Variants in EPAS1 observed in about 807,000 individuals in gnomAD.
EPAS1 encodes endothelial PAS domain protein 1.
A neutral mutation model predicts 87.9 loss-of-function variants in EPAS1; 23 were observed. The ratio of observed to expected loss-of-function variants is 0.26; its 90% confidence interval spans 0.19 to 0.37. The LOEUF is 0.37. EPAS1 is among the 10% of genes least tolerant of loss of function. The probability of loss-of-function intolerance (pLI) is 1.00; values close to 1 mark genes in which losing one functional copy is unlikely to be tolerated. For synonymous variants in EPAS1, 508 were observed against 444.3 expected (o/e 1.14, Z -1.80); for missense variants, 1,138 against 1,120.7 (o/e 1.02, Z -0.22).
chr2:46,316,675 T>G (rs1231012886), intron 1 of EPAS1, among the ~76,000 whole-genome samples: 1 of 152,192 alleles, frequency 6.6e-6, no homozygotes, highest in African/African-American at 2.4e-5. Context: ...TGCCTCCATA[T>G]CGGTGGCTGC....
chr2:46,378,903 A>ACCTCTTTAGGGG, intron 11 of EPAS1, 136 bp downstream of exon 11: 1 of 811,060 alleles, frequency 1.2e-6, no homozygotes, highest in Non-Finnish European at 2.1e-6. Flanking sequence ...CAGGTCCCCT[A>ACCTCTTTAGGGG]AAGAGGTAGG....
rs1460636405 is a variant in EPAS1, at chr2:46,379,908, CTG to C, written c.1555-316_1555-315del. On this transcript the variant is annotated intron_variant, in intron 11 of 15. Coordinates refer to ENST00000263734, the MANE Select transcript of EPAS1 (RefSeq NM_001430.5). ...CAGGCTGGAGTAGGCAGGGCTGACT[CTG>C]TGGAAGAGGGGCTGCCTCGGCTTCA... 1.5e-5 allele frequency: 7 copies of C among 454,886 alleles called. No individual in the cohort carries two copies. In the East Asian group the frequency reaches 2.7e-4, roughly 18 times the overall value. 28.2% of individuals were successfully genotyped at this position (454,886 alleles called of 1,614,324 possible).
At chr2:46,309,962 GA>G (rs1438479606) in intron 1 of EPAS1, among the ~76,000 whole-genome samples, 1 of 152,198 alleles carries the variant, frequency 6.6e-6, no homozygotes, top group African/African-American at 2.4e-5. Context: ...TGGGTGGTTG[GA>G]GGAGGCCATG....
At position 46,380,078 on chromosome 2, in the gene EPAS1, C is replaced by CTGAT. The variant is rs1684852167; in HGVS notation, c.1555-148_1555-145dup. On this transcript the variant is annotated intron_variant, in intron 11 of 15. Coordinates refer to ENST00000263734, the MANE Select transcript of EPAS1 (RefSeq NM_001430.5). This position sits in a 1 kb window ranked among gnomAD's most constrained non-coding sequence, Gnocchi z 4.4. ...TGACACAGCCAAGTCTGAGGTTTTC[C>CTGAT]TGATAGGCCCTCGGGAGCCAGTGGA... 2.3e-6 allele frequency: 3 copies of CTGAT among 1,311,716 alleles called. No homozygotes were observed. Among genetic ancestry groups the CTGAT allele is most frequent in the South Asian group, 1.2e-5 (1 of 84,130 alleles). The allele number at this position is 1,311,716 out of a possible 1,614,324, so 81.3% of individuals were successfully genotyped here. A position where few individuals can be genotyped will look rare whatever the true frequency, so the allele number is the denominator to read the frequency against.
At chr2:46,358,803 T>G (rs1684324344) in intron 4 of EPAS1, among the ~76,000 whole-genome samples, 1 of 152,156 alleles carries the variant, frequency 6.6e-6, no homozygotes, top group African/African-American at 2.4e-5. Flanking sequence ...GATCTAGACC[T>G]AAAGGGTTAG....
chr2:46,300,884 T>G lies in EPAS1; in HGVS notation c.26+2947T>G, dbSNP rs2104834019. On this transcript the variant is annotated intron_variant, in intron 1 of 15. Transcript: ENST00000263734. This position sits in a 1 kb window ranked among gnomAD's most constrained non-coding sequence, Gnocchi z 4.1. ...CCCTCCTTCTGACAGCTGGACTTAG[T>G]TGTTCCTCTTCTAAAATCAAATCAA... 6.6e-6 allele frequency among the ~76,000 whole-genome samples: 1 copy of G among 152,298 alleles called. No homozygotes were observed. The highest frequency in any genetic ancestry group is 1.5e-5 in the Non-Finnish European group (1 of 68,032).
intron 10 of EPAS1, among the ~76,000 whole-genome samples, chr2:46,378,403 G>C (rs975636967): frequency 6.6e-6 from 1 of 152,196 alleles, no homozygotes; most frequent in Non-Finnish European, 1.5e-5. Flanking sequence ...CCTGTATCCT[G>C]TTTGGTCCTC....
At chr2:46,299,247 C>T (rs1682947069) in intron 1 of EPAS1, among the ~76,000 whole-genome samples, 1 of 152,222 alleles carries the variant, frequency 6.6e-6, no homozygotes, top group South Asian at 2.1e-4. Context: ...TAAACGGGAG[C>T]GAATCGCGCC....
intron 1 of EPAS1, among the ~76,000 whole-genome samples, chr2:46,341,534 T>A (rs1258121347): frequency 1.7e-4 from 26 of 152,234 alleles, no homozygotes; most frequent in Admixed American, 1.7e-3. Flanking sequence ...TTCATCTCCC[T>A]CTTCCTATTA....
At chr2:46,305,532 G>A (rs575458027) in intron 1 of EPAS1, among the ~76,000 whole-genome samples, 65 of 152,260 alleles carry the variant, frequency 4.3e-4, no homozygotes, top group African/African-American at 1.5e-3. Flanking sequence ...TAATGATCCT[G>A]TGAACAGATC....
intron 1 of EPAS1, among the ~76,000 whole-genome samples, chr2:46,340,031 G>C (rs112297411): frequency 1.4e-4 from 22 of 152,152 alleles, no homozygotes; most frequent in African/African-American, 5.1e-4. Context: ...ACCCACTAAG[G>C]CTTGGGCTTG....
chr2:46,370,828 T>C (rs1362471129), intron 7 of EPAS1, among the ~76,000 whole-genome samples: 1 of 152,238 alleles, frequency 6.6e-6, no homozygotes, highest in African/African-American at 2.4e-5. Flanking sequence ...ACCGTTCCCT[T>C]GAATCCATGC....
chr2:46,382,613 G>C lies in EPAS1; in HGVS notation c.2461+15G>C. ...CAAGGTGTCAGGTGGGTGTGCCCAG[G>C]ATCTGTCACCCCCATCCCAGGATTC... On this transcript the variant is annotated intron_variant, in intron 15 of 15. Coordinates refer to ENST00000263734, the MANE Select transcript of EPAS1 (RefSeq NM_001430.5). 6.2e-7 allele frequency: 1 copy of C among 1,613,974 alleles called. No homozygotes were observed. The highest frequency in any genetic ancestry group is 8.5e-7 in the Non-Finnish European group (1 of 1,180,018).
At chr2:46,332,502 C>T (rs771685605) in intron 1 of EPAS1, among the ~76,000 whole-genome samples, 13 of 152,098 alleles carry the variant, frequency 8.5e-5, no homozygotes, top group Non-Finnish European at 1.8e-4. Context: ...ACCCCCTCCT[C>T]GTCTGATGTG....
intron 1 of EPAS1, among the ~76,000 whole-genome samples, chr2:46,325,644 TGGA>T (rs976614555): frequency 2.0e-5 from 3 of 152,304 alleles, no homozygotes; most frequent in Middle Eastern, 3.4e-3. Context: ...AGGCAGGTGT[TGGA>T]GGAGGAGTTC....
At chr2:46,312,185 A>G (rs770944425) in intron 1 of EPAS1, among the ~76,000 whole-genome samples, 7 of 152,108 alleles carry the variant, frequency 4.6e-5, no homozygotes, top group Admixed American at 1.3e-4. Context: ...CTTGGCTTTT[A>G]TCTTGCCAAA....
intron 1 of EPAS1, among the ~76,000 whole-genome samples, chr2:46,323,218 C>T (rs1390136172): frequency 6.6e-6 from 1 of 152,018 alleles, no homozygotes; most frequent in East Asian, 1.9e-4. Context: ...TTTTTTTAAG[C>T]TGCTATATTT....
At chr2:46,351,099 C>T (rs1236950755) in intron 2 of EPAS1, among the ~76,000 whole-genome samples, 1 of 152,170 alleles carries the variant, frequency 6.6e-6, no homozygotes, top group South Asian at 2.1e-4. Flanking sequence ...ACCCCTTTGT[C>T]CCACCCACTC....
Position 46,380,086 on chromosome 2 carries a change from C to A in EPAS1, c.1555-141C>A. On this transcript the variant is annotated intron_variant, in intron 11 of 15. Coordinates refer to ENST00000263734, the MANE Select transcript of EPAS1 (RefSeq NM_001430.5). This position sits in a 1 kb window ranked among gnomAD's most constrained non-coding sequence, Gnocchi z 4.4. Reference sequence around the variant, plus strand: ...CCAAGTCTGAGGTTTTCCTGATAGGCCCTCGGGAGCCAGTGGAGGCGTTTG... The same window carrying A: ...CCAAGTCTGAGGTTTTCCTGATAGGACCTCGGGAGCCAGTGGAGGCGTTTG... The A allele has an allele frequency of 1.5e-6, 2 of 1,374,150 alleles. No homozygotes were observed. The highest frequency in any genetic ancestry group is 2.0e-6 in the Non-Finnish European group (2 of 977,406). 85.1% of individuals were successfully genotyped at this position (1,374,150 alleles called of 1,614,324 possible). A position where few individuals can be genotyped will look rare whatever the true frequency, so the allele number is the denominator to read the frequency against.
Sources: gnomAD v4.1 joint callset for allele counts (sites outside exome capture counted in the v4.1 genomes callset) on GRCh38, gnomAD v4.1.1 for gene constraint, Gnocchi (gnomAD v3.1) non-coding constraint, MANE v1.5 for transcripts, NCBI Gene and HGNC (gene_info 2026-07-23, HGNC 2026-07-21) for gene names.